Variants in CDH18 observed in about 807,000 individuals in gnomAD.
The protein encoded by CDH18 is cadherin-18.
CDH18 carries 31 observed loss-of-function variants against 67.9 expected under a neutral mutation model. The observed-to-expected ratio is 0.46, with a 90% CI of 0.34 to 0.62. The LOEUF (loss-of-function observed/expected upper bound fraction) is 0.62. Ranked by LOEUF, CDH18 falls within the 20% of genes least tolerant of loss-of-function variation. The pLI is 0.01. For synonymous variants in CDH18, 362 were observed against 347.2 expected, an observed-to-expected ratio of 1.04 and a Z score of -0.48; for missense variants, 890 against 975.5, an observed-to-expected ratio of 0.91 and a Z score of 1.17.
intron 8 of CDH18, among the ~76,000 whole-genome samples, chr5:19,554,708 C>T (rs569691791): frequency 1.3e-5 from 2 of 152,022 alleles, no homozygotes; most frequent in African/African-American, 4.8e-5. Context: ...GGTTCCCTTC[C>T]TGGGGCTAAG....
intron 2 of CDH18, among the ~76,000 whole-genome samples, chr5:19,845,110 T>C (rs749827753): frequency 6.6e-6 from 1 of 152,244 alleles, no homozygotes; most frequent in East Asian, 1.9e-4. Context: ...TTTTAAAAAA[T>C]ATATATCCAA....
At chr5:20,338,297 A>C (rs561835403) in intron 1 of CDH18, among the ~76,000 whole-genome samples, 1 of 152,344 alleles carries the variant, frequency 6.6e-6, no homozygotes, top group Non-Finnish European at 1.5e-5. Flanking sequence ...CAGCCTATCA[A>C]GCCCCAAACC....
intron 11 of CDH18, among the ~76,000 whole-genome samples, chr5:19,498,377 G>A (rs1183682973): frequency 6.6e-6 from 1 of 152,070 alleles, no homozygotes; most frequent in Non-Finnish European, 1.5e-5. Context: ...TGAACATCCT[G>A]AGGAGAAGAA....
At chr5:20,027,772 A>G (rs980558819) in intron 2 of CDH18, among the ~76,000 whole-genome samples, 1 of 152,206 alleles carries the variant, frequency 6.6e-6, no homozygotes, top group Non-Finnish European at 1.5e-5. Flanking sequence ...TCTAATTTTT[A>G]TATGGTGGTC....
In CDH18 at chr5:19,587,689, TA is replaced by T. The variant is rs980300508; in HGVS notation, c.999+3367del. Among the ~76,000 whole-genome samples, 36 of 151,990 alleles carry T rather than the reference TA, an allele frequency of 2.4e-4. 1 individual carries two copies. The highest frequency in any genetic ancestry group is 8.7e-4 in the African/African-American group (36 of 41,398). ...TGTACCAGTACCATGTTGTTTTGGT[TA>T]CTGTAGCACTGTAGTATAGTTTGAA... On this transcript the variant is annotated intron_variant, in intron 7 of 12. Coordinates refer to ENST00000382275, the MANE Select transcript of CDH18 (RefSeq NM_004934.5).
intron 11 of CDH18, among the ~76,000 whole-genome samples, chr5:19,488,046 C>T (rs191429430): frequency 6.6e-6 from 1 of 152,228 alleles, no homozygotes; most frequent in Non-Finnish European, 1.5e-5. Flanking sequence ...AAGTCACATG[C>T]TTCTGGAGAT....
intron 5 of CDH18, among the ~76,000 whole-genome samples, chr5:19,614,964 G>A (rs1479828556): frequency 2.0e-5 from 3 of 152,004 alleles, no homozygotes; most frequent in Non-Finnish European, 2.9e-5. Context: ...TGGCTAACAT[G>A]GTGAAACCCC....
chr5:20,237,090 T>C (rs1277213166), intron 2 of CDH18, among the ~76,000 whole-genome samples: 2 of 151,994 alleles, frequency 1.3e-5, no homozygotes, highest in African/African-American at 4.8e-5. Flanking sequence ...CTCAATATAG[T>C]TTTTTATAAA....
At chr5:20,470,037 T>G (rs1751937688) in intron 1 of CDH18, among the ~76,000 whole-genome samples, 1 of 152,128 alleles carries the variant, frequency 6.6e-6, no homozygotes, top group Non-Finnish European at 1.5e-5. Context: ...CATCTCAATT[T>G]CATGCATCAT....
At chr5:19,753,675 C>T (rs1327498079) in intron 3 of CDH18, among the ~76,000 whole-genome samples, 1 of 151,926 alleles carries the variant, frequency 6.6e-6, no homozygotes, top group Non-Finnish European at 1.5e-5. Flanking sequence ...TATGCCAATG[C>T]ATAGGTCATC....
At chr5:19,542,349 T>C (rs1750412753) in intron 9 of CDH18, among the ~76,000 whole-genome samples, 1 of 152,172 alleles carries the variant, frequency 6.6e-6, no homozygotes, top group South Asian at 2.1e-4. Context: ...TGCATCCACA[T>C]TGGAAAACAA....
At chr5:20,364,682 C>T (rs1432536911) in intron 1 of CDH18, among the ~76,000 whole-genome samples, 3 of 152,156 alleles carry the variant, frequency 2.0e-5, no homozygotes, top group Non-Finnish European at 2.9e-5. Flanking sequence ...CTTATTTCTA[C>T]AATGATTAGT....
intron 5 of CDH18, among the ~76,000 whole-genome samples, chr5:19,615,285 A>T (rs1580508109): frequency 6.6e-6 from 1 of 152,178 alleles, no homozygotes; most frequent in African/African-American, 2.4e-5. Context: ...GATTTCAGTA[A>T]AAGATGATCA....
intron 5 of CDH18, among the ~76,000 whole-genome samples, chr5:19,697,232 G>T (rs1762649067): frequency 6.6e-6 from 1 of 152,140 alleles, no homozygotes; most frequent in African/African-American, 2.4e-5. Context: ...TTTTGCAATT[G>T]CTGCAGGTGA....
At chr5:19,835,216 T>G (rs1283348170) in intron 3 of CDH18, among the ~76,000 whole-genome samples, 1 of 152,142 alleles carries the variant, frequency 6.6e-6, no homozygotes, top group Non-Finnish European at 1.5e-5. Context: ...ATCATGTCCT[T>G]TGCAGGGACA....
chr5:19,523,633 A>G (rs1332744667), intron 9 of CDH18, among the ~76,000 whole-genome samples: 1 of 152,166 alleles, frequency 6.6e-6, no homozygotes, highest in African/African-American at 2.4e-5. Flanking sequence ...ATCACTTAAC[A>G]TAAGCCAGAC....
chr5:19,818,546 G>A (rs1204226987), intron 3 of CDH18, among the ~76,000 whole-genome samples: 2 of 152,082 alleles, frequency 1.3e-5, no homozygotes, highest in East Asian at 3.9e-4. Context: ...TTTAAGGATG[G>A]AAATACATTC....
At chr5:20,128,822 T>A (rs954990465) in intron 2 of CDH18, among the ~76,000 whole-genome samples, 17 of 151,560 alleles carry the variant, frequency 1.1e-4, no homozygotes, top group Admixed American at 8.5e-4. Context: ...ATTTTAAGGA[T>A]TGATAGGACA....
At chr5:19,775,973 T>G (rs1342897572) in intron 3 of CDH18, among the ~76,000 whole-genome samples, 1 of 152,096 alleles carries the variant, frequency 6.6e-6, no homozygotes, top group African/African-American at 2.4e-5. Context: ...GAGAAACCAC[T>G]GATTTTGATC....
Sources: gnomAD v4.1 joint callset for allele counts (sites outside exome capture counted in the v4.1 genomes callset) on GRCh38, gnomAD v4.1.1 for gene constraint, MANE v1.5 for transcripts, NCBI Gene and HGNC (gene_info 2026-07-23, HGNC 2026-07-21) for gene names.